Variants in TBX4 observed in about 807,000 individuals in gnomAD.
The protein encoded by TBX4 is T-box transcription factor 4, also known as T-box transcription factor TBX4.
In TBX4, 13 loss-of-function variants were observed where a neutral mutation model predicts 54.6. The ratio of observed to expected loss-of-function variants is 0.24; its 90% CI spans 0.15 to 0.38. The LOEUF (loss-of-function observed/expected upper bound fraction) is 0.38. TBX4 is among the 10% of genes least tolerant of loss of function. The pLI is 1.00. For missense variants in TBX4, 631 were observed against 728.5 expected (o/e 0.87, Z 1.54); for synonymous variants, 314 against 306.7 (o/e 1.02, Z -0.25).
rs188729886 is a variant in TBX4, at chr17:61,474,392, C to A, written c.550-4235C>A. Among the ~76,000 whole-genome samples the A allele has an allele frequency of 6.6e-6, 1 of 152,278 alleles. No homozygotes were observed. Among genetic ancestry groups the A allele is most frequent in the East Asian group, 1.9e-4 (1 of 5,178 alleles). ...TCCTGCTCCAGACTGTGTCTCCAAC[C>A]AGCTGTGTGTTCCTGGGCGAGTCAC... On this transcript the variant is annotated intron_variant, in intron 5 of 8. Transcript: ENST00000644296. The surrounding 1 kb of genome is among the most constrained non-coding windows in gnomAD (Gnocchi z 4.6).
chr17:61,471,038 C>CAGTG (rs757718204), intron 5 of TBX4, among the ~76,000 whole-genome samples: 8 of 152,218 alleles, frequency 5.3e-5, no homozygotes, highest in Non-Finnish European at 1.0e-4. Context: ...ATTTCTGACG[C>CAGTG]AGTGAGTCCA....
At chr17:61,455,703 G>C (rs549395291) in intron 1 of TBX4, among the ~76,000 whole-genome samples, 1 of 152,354 alleles carries the variant, frequency 6.6e-6, no homozygotes, top group Non-Finnish European at 1.5e-5. Flanking sequence ...AAGTGTGCCT[G>C]AGTGAGCCTG....
rs1249400711 is a variant in TBX4 at position 61,478,280 on chromosome 17, T to C, written c.550-347T>C. The C allele has an allele frequency of 2.9e-6, 1 of 341,458 alleles. No homozygotes were observed. The highest frequency in any genetic ancestry group is 5.6e-6 in the Non-Finnish European group (1 of 178,434). The allele number at this position is 341,458 out of a possible 1,614,324, so 21.2% of individuals were successfully genotyped here. On this transcript the variant is annotated intron_variant, in intron 5 of 8. Transcript: ENST00000644296. This position sits in a 1 kb window ranked among gnomAD's most constrained non-coding sequence, Gnocchi z 7.4. ...GGCACCCTGGACTTTTGCTGACAGC[T>C]CACAATTCCACCTGCTACACTGTGC...
intron 8 of TBX4, 151 bp from the exon 9 acceptor site, chr17:61,482,746 G>A (rs765335040): frequency 9.4e-5 from 114 of 1,211,190 alleles, no homozygotes; most frequent in South Asian, 1.7e-4. Context: ...TATAAAAGCC[G>A]TGGCTGATTG....
chr17:61,454,537 TG>T (rs1005147854), intron 1 of TBX4, among the ~76,000 whole-genome samples: 17 of 151,734 alleles, frequency 1.1e-4, no homozygotes, highest in African/African-American at 3.9e-4. Context: ...CAGCCGGGCG[TG>T]GAAAAAAGGA....
chr17:61,479,749 T>G lies in TBX4; in HGVS notation c.703-132T>G. 2.0e-5 allele frequency: 18 copies of G among 914,398 alleles called. No individual in the cohort carries two copies. The highest frequency in any genetic ancestry group is 3.2e-5 in the Non-Finnish European group (18 of 559,014). The allele number at this position is 914,398 out of a possible 1,614,324, so 56.6% of individuals were successfully genotyped here. On this transcript the variant is annotated intron_variant, in intron 6 of 8. Transcript: ENST00000644296. This position sits in a 1 kb window ranked among gnomAD's most constrained non-coding sequence, Gnocchi z 6.1. ...CCACCCTCCTCCCCAAGGAGGGTAGTGAGAAGCGGTGAGGCTGGAGAGCGA... is the reference window on the plus strand; with the variant it reads ...CCACCCTCCTCCCCAAGGAGGGTAGGGAGAAGCGGTGAGGCTGGAGAGCGA...
At position 61,480,238 on chromosome 17, in the gene TBX4, G is replaced by A. The variant is rs371242130; in HGVS notation, c.940G>A (p.Ala314Thr). The A allele has an allele frequency of 2.2e-5, 35 of 1,614,046 alleles. No individual in the cohort carries two copies. The highest frequency in any genetic ancestry group is 3.3e-5 in the Admixed American group (2 of 60,018). Residue 314 changes from alanine (A) to threonine (T), a missense_variant, in exon 8 of 9, where the codon GCG becomes ACG. By Grantham distance (58) the Ala-to-Thr change is moderately conservative. Coordinates refer to ENST00000644296, the MANE Select transcript of TBX4 (RefSeq NM_001321120.2). This position sits in a 1 kb window ranked among gnomAD's most constrained non-coding sequence, Gnocchi z 6.2. ...QHENGAHSQL[A>T]EPQDLPLSTF... ...CGAGAACGGGGCACACTCACAGCTC[G>A]CGGAGCCGCAGGACCTGCCCCTCAG...
chr17:61,470,872 T>G (rs1024831175), intron 5 of TBX4, among the ~76,000 whole-genome samples: 5 of 152,244 alleles, frequency 3.3e-5, no homozygotes, highest in African/African-American at 4.8e-5. Flanking sequence ...TTTCTTCCTC[T>G]TCTCCTCTTC....
In TBX4 at chr17:61,461,311, C is replaced by A. The variant is rs2060492774; in HGVS notation, c.281+3680C>A. On this transcript the variant is annotated intron_variant, in intron 3 of 8. Transcript: ENST00000644296. This position sits in a 1 kb window ranked among gnomAD's most constrained non-coding sequence, Gnocchi z 5.1. ...ATGTATGTGTGTGAAACGTGGAAAT[C>A]GATTTATTATCTTCAAAATCAGAAC... Among the ~76,000 whole-genome samples, 1 of 152,102 alleles carries A rather than the reference C, an allele frequency of 6.6e-6. No homozygotes were observed. The highest frequency in any genetic ancestry group is 1.5e-5 in the Non-Finnish European group (1 of 68,022).
Position 61,465,679 on chromosome 17 carries a change from G to A in TBX4, c.282-140G>A. ...GCAGAGGGGGAAGTGAGTTGTGCAG[G>A]TCACACAGCTGTGACCAATGCCAGG... On this transcript the variant is annotated intron_variant, in intron 3 of 8. Coordinates refer to ENST00000644296, the MANE Select transcript of TBX4 (RefSeq NM_001321120.2). The surrounding 1 kb of genome is among the most constrained non-coding windows in gnomAD (Gnocchi z 4.9). 1.8e-6 allele frequency: 2 copies of A among 1,133,864 alleles called. No homozygotes were observed. Among genetic ancestry groups the A allele is most frequent in the South Asian group, 1.3e-5 (1 of 78,042 alleles). 70.2% of individuals were successfully genotyped at this position (1,133,864 alleles called of 1,614,324 possible).
rs796086095 is a variant in TBX4, at chr17:61,461,560, T to A, written c.281+3929T>A. 5.3e-5 allele frequency among the ~76,000 whole-genome samples: 8 copies of A among 152,320 alleles called. No individual in the cohort carries two copies. Among genetic ancestry groups the A allele is most frequent in the African/African-American group, 1.7e-4 (7 of 41,566 alleles). ...CAGACTCTGAGCTCCAAGGCGCCTG[T>A]GTATGTGTACACACATATATAATTT... is the stretch of plus-strand genomic sequence containing the variant. On this transcript the variant is annotated intron_variant, in intron 3 of 8. Coordinates refer to ENST00000644296, the MANE Select transcript of TBX4 (RefSeq NM_001321120.2). This position sits in a 1 kb window ranked among gnomAD's most constrained non-coding sequence, Gnocchi z 5.1.
chr17:61,457,163 A>G lies in TBX4; in HGVS notation c.187-374A>G, dbSNP rs1215847899. On this transcript the variant is annotated intron_variant, in intron 2 of 8. Coordinates refer to ENST00000644296, the MANE Select transcript of TBX4 (RefSeq NM_001321120.2). This position sits in a 1 kb window ranked among gnomAD's most constrained non-coding sequence, Gnocchi z 8.2. ...TGCCGCCTGGGGATCTGTGTGCACT[A>G]TCTGCAGGCGCGCGCCTGGCCGAGG... Among the ~76,000 whole-genome samples the G allele has an allele frequency of 6.6e-6, 1 of 151,984 alleles. No homozygotes were observed.
intron 8 of TBX4, among the ~76,000 whole-genome samples, chr17:61,482,582 A>C (rs925752369): frequency 2.0e-5 from 3 of 152,150 alleles, no homozygotes; most frequent in African/African-American, 7.2e-5. Context: ...GCCACTGCAC[A>C]TCAGGGCCTC....
intron 1 of TBX4, among the ~76,000 whole-genome samples, chr17:61,455,057 C>A (rs1218528110): frequency 1.3e-5 from 2 of 152,258 alleles, no homozygotes; most frequent in Admixed American, 1.3e-4. Flanking sequence ...GGTGCTGGCG[C>A]TGGCCATGTC....
rs1390518247 is a variant in TBX4 at position 61,476,240 on chromosome 17, G to T, written c.550-2387G>T. On this transcript the variant is annotated intron_variant, in intron 5 of 8. Transcript: ENST00000644296. The surrounding 1 kb of genome is among the most constrained non-coding windows in gnomAD (Gnocchi z 6.5). ...CACATGAGAAGTAAGTTTCAGAACT[G>T]GGCGTTCAGAGCAGGCCCTTGTACC... 2.0e-5 allele frequency among the ~76,000 whole-genome samples: 3 copies of T among 152,242 alleles called. No homozygotes were observed. The highest frequency in any genetic ancestry group is 2.0e-4 in the Admixed American group (3 of 15,286).
intron 5 of TBX4, among the ~76,000 whole-genome samples, chr17:61,470,973 G>A (rs1239075480): frequency 6.6e-6 from 1 of 152,220 alleles, no homozygotes; most frequent in African/African-American, 2.4e-5. Flanking sequence ...AGCACGATGA[G>A]GAAATGGTGG....
intron 5 of TBX4, among the ~76,000 whole-genome samples, chr17:61,477,386 G>A (rs1265250653): frequency 1.3e-4 from 20 of 152,214 alleles, no homozygotes; most frequent in Admixed American, 9.8e-4. Flanking sequence ...TGGCAGCCGC[G>A]CCTCCAGGGC....
In TBX4 at chr17:61,483,613, AGTGTGTGTGTGTGTGTGTGTGTGT is replaced by A. The variant is rs149977669; in HGVS notation, c.*114_*137del. 3.8e-6 allele frequency: 3 copies of A among 781,268 alleles called. No individual in the cohort carries two copies. The highest frequency in any genetic ancestry group is 4.1e-6 in the Non-Finnish European group (2 of 486,740). The allele number at this position is 781,268 out of a possible 1,614,324, so 48.4% of individuals were successfully genotyped here. A position where few individuals can be genotyped will look rare whatever the true frequency, so the allele number is the denominator to read the frequency against. ...ACCAAGAAACACAGGAAGGTATTCC[AGTGTGTGTGTGTGTGTGTGTGTGT>A]GTGTGTGTGTGTGTGTATACACGAG... On this transcript the variant is annotated 3_prime_UTR_variant, in exon 9 of 9. Transcript: ENST00000644296. The surrounding 1 kb of genome is among the most constrained non-coding windows in gnomAD (Gnocchi z 6.6).
intron 1 of TBX4, among the ~76,000 whole-genome samples, chr17:61,455,692 A>C (rs1296473895): frequency 6.6e-6 from 1 of 152,210 alleles, no homozygotes; most frequent in East Asian, 1.9e-4. Flanking sequence ...CTGTGGCGCT[A>C]AAGTGTGCCT....
Sources: allele counts gnomAD v4.1 joint callset (sites outside exome capture counted in the v4.1 genomes callset), GRCh38; gene constraint gnomAD v4.1.1; non-coding constraint Gnocchi (gnomAD v3.1); transcripts MANE v1.5; gene names NCBI Gene and HGNC (gene_info 2026-07-23, HGNC 2026-07-21).